DNAI1: variants seen among roughly 807,000 people sequenced by gnomAD.
The protein encoded by DNAI1 is dynein axonemal intermediate chain 1.
DNAI1 carries 67 observed loss-of-function variants against 92.0 expected under a neutral mutation model. The observed-to-expected ratio is 0.73, with a 90% CI of 0.60 to 0.89. DNAI1 has a LOEUF of 0.89. Among genes scored for constraint, DNAI1 ranks in the 40% least tolerant of loss-of-function variants. The pLI is 0.00. For synonymous variants in DNAI1, 323 were observed against 319.6 expected, an observed-to-expected ratio of 1.01 and a Z score of -0.11; for missense variants, 839 against 866.6, an observed-to-expected ratio of 0.97 and a Z score of 0.40.
intron 1 of DNAI1, among the ~76,000 whole-genome samples, chr9:34,464,501 A>G (rs1464646452): frequency 6.6e-6 from 1 of 151,990 alleles, no homozygotes. Flanking sequence ...CCCCAAATCA[A>G]TCCCCACAAC....
At chr9:34,492,683 C>G (rs550350293) in intron 8 of DNAI1, among the ~76,000 whole-genome samples, 1 of 151,222 alleles carries the variant, frequency 6.6e-6, no homozygotes, top group East Asian at 2.0e-4. Context: ...CCACACCTGG[C>G]GTATTTTTGT....
At position 34,483,454 on chromosome 9, in the gene DNAI1, A is replaced by G. The variant is rs1824413271; in HGVS notation, c.55A>G (p.Ser19Gly). ...TTTTCTGTTCTTCATTTAGAGCATC[A>G]GCATAGGCAGAGGAACCAGGAAGAG... ...PHKQPHKQSI[S>G]IGRGTRKRDE... is the part of the protein sequence containing the mutation. The change falls in exon 2 of 20, where the codon AGC becomes GGC. Residue 19 changes from serine to glycine, a missense_variant. Coordinates refer to ENST00000242317, the MANE Select transcript of DNAI1 (RefSeq NM_012144.4). The G allele has an allele frequency of 1.2e-6, 2 of 1,612,142 alleles. No homozygotes were observed. The highest frequency in any genetic ancestry group is 2.2e-5 in the South Asian group (2 of 91,050).
rs1337443282 is a variant in DNAI1, at chr9:34,506,856, C to T, written c.1293C>T (p.His431=). ...SFCSSAKSGK[H]SDPVWQVKWQ... ...GCAGCTCAGCCAAGTCTGGCAAGCACTCAGACCCTGTGTGGCAGGTCAGCA... is the reference window on the plus strand; with the variant it reads ...GCAGCTCAGCCAAGTCTGGCAAGCATTCAGACCCTGTGTGGCAGGTCAGCA... The change falls in exon 13 of 20, where the codon CAC becomes CAT. Residue 431 remains histidine, a synonymous_variant. Coordinates refer to ENST00000242317, the MANE Select transcript of DNAI1 (RefSeq NM_012144.4). The T allele has an allele frequency of 6.2e-7, 1 of 1,613,976 alleles. No homozygotes were observed. The highest frequency in any genetic ancestry group is 8.5e-7 in the Non-Finnish European group (1 of 1,180,024).
intron 19 of DNAI1, 97 bp from the exon 20 acceptor site, chr9:34,520,561 G>A (rs1825258869): frequency 1.8e-6 from 2 of 1,092,958 alleles, no homozygotes; most frequent in Non-Finnish European, 2.7e-6. Flanking sequence ...GGGAGGGGTA[G>A]GGCACAGCTG....
chr9:34,477,378 G>C (rs1348642989), intron 1 of DNAI1, among the ~76,000 whole-genome samples: 1 of 152,102 alleles, frequency 6.6e-6, no homozygotes, highest in African/African-American at 2.4e-5. Flanking sequence ...CTATACCTCA[G>C]TTTTCTCATT....
At chr9:34,501,044 G>A in intron 11 of DNAI1, 94 bp from the exon 12 acceptor site, 1 of 1,115,798 alleles carries the variant, frequency 9.0e-7, no homozygotes, top group East Asian at 2.3e-5. Context: ...GATGTCTGTA[G>A]TATATTTAGG....
intron 4 of DNAI1, among the ~76,000 whole-genome samples, chr9:34,486,340 T>G (rs1171700206): frequency 6.6e-6 from 1 of 152,158 alleles, no homozygotes; most frequent in Non-Finnish European, 1.5e-5. Flanking sequence ...TTATGAAAAC[T>G]TAGATTAAAT....
At chr9:34,507,013 G>C in intron 13 of DNAI1, 139 bp downstream of exon 13, 1 of 1,352,432 alleles carries the variant, frequency 7.4e-7, no homozygotes, top group Middle Eastern at 2.5e-4. Context: ...CAGGATCTGG[G>C]TGTCAGAAAA....
intron 1 of DNAI1, among the ~76,000 whole-genome samples, chr9:34,462,845 C>T (rs1026249678): frequency 2.6e-5 from 4 of 152,150 alleles, no homozygotes; most frequent in Non-Finnish European, 5.9e-5. Context: ...AATTATTTAT[C>T]GTACCCACTC....
At chr9:34,473,786 G>A (rs575416627) in intron 1 of DNAI1, among the ~76,000 whole-genome samples, 10 of 151,770 alleles carry the variant, frequency 6.6e-5, no homozygotes, top group African/African-American at 9.7e-5. Context: ...AGTGCAGTGC[G>A]TGATCACAGC....
At chr9:34,467,071 T>G (rs1364027348) in intron 1 of DNAI1, among the ~76,000 whole-genome samples, 2 of 152,322 alleles carry the variant, frequency 1.3e-5, no homozygotes, top group Non-Finnish European at 2.9e-5. Context: ...TTCTCTTTGC[T>G]CAGCTCCTCC....
chr9:34,514,313 G>T, intron 16 of DNAI1, 81 bp from the exon 17 acceptor site: 14 of 1,567,598 alleles, frequency 8.9e-6, no homozygotes, highest in South Asian at 2.2e-5. Context: ...GGAGTCTAAG[G>T]CTCTGATCCT....
chr9:34,482,237 C>T (rs1309154746), intron 1 of DNAI1, among the ~76,000 whole-genome samples: 1 of 143,772 alleles, frequency 7.0e-6, no homozygotes, highest in East Asian at 2.0e-4. Flanking sequence ...GGTGTATTTA[C>T]AATCCTTGAG....
chr9:34,518,046 A>G (rs1825203787), intron 19 of DNAI1, among the ~76,000 whole-genome samples: 1 of 152,232 alleles, frequency 6.6e-6, no homozygotes, highest in South Asian at 2.1e-4. Context: ...TCTGGAGCCC[A>G]GAGCGATGAC....
At position 34,517,427 on chromosome 9, in the gene DNAI1, T is replaced by C; in HGVS notation, c.1961T>C (p.Ile654Thr). 6.2e-7 allele frequency: 1 copy of C among 1,614,212 alleles called. No homozygotes were observed. The highest frequency in any genetic ancestry group is 1.3e-5 in the African/African-American group (1 of 75,048). The change falls in exon 19 of 20, where the codon ATC becomes ACC. Residue 654 changes from isoleucine (I) to threonine (T), a missense_variant. By Grantham distance (89) the Ile-to-Thr change is moderately conservative (BLOSUM62 -1). Coordinates refer to ENST00000242317, the MANE Select transcript of DNAI1 (RefSeq NM_012144.4). Reference sequence around the variant, plus strand: ...GTGGGCGATGACCGTGGGCACATCATCAGCCTCAAGCTCTCACCCAATTTG... The same window carrying C: ...GTGGGCGATGACCGTGGGCACATCACCAGCCTCAAGCTCTCACCCAATTTG... ...IIVGDDRGHI[I>T]SLKLSPNLRK...
At chr9:34,506,199 T>C (rs1824926182) in intron 12 of DNAI1, among the ~76,000 whole-genome samples, 1 of 152,166 alleles carries the variant, frequency 6.6e-6, no homozygotes, top group Non-Finnish European at 1.5e-5. Context: ...AGTTCAAGCT[T>C]AGCCCATATT....
rs1824814829 is a variant in DNAI1 at position 34,500,773 on chromosome 9, C to T, written c.953C>T (p.Thr318Ile). Residue 318 changes from threonine (T) to isoleucine (I), a missense_variant, in exon 11 of 20, where the codon ACC becomes ATC. Thr to Ile is a moderately conservative substitution (Grantham distance 89). Transcript: ENST00000242317. ...GATGAATACCGGGACCAGGTGGGTA[C>T]CCTGCTGCCGCTCTGGAAGTTCCAA... ...AADEYRDQVGTLLPLWKFQND... is the reference protein window; with the variant it reads ...AADEYRDQVGILLPLWKFQND... 1 of 1,613,952 alleles carries T rather than the reference C, an allele frequency of 6.2e-7. No individual in the cohort carries two copies. The highest frequency in any genetic ancestry group is 1.7e-5 in the Admixed American group (1 of 59,988).
At chr9:34,459,190 T>TGGGAGCACTTACCAGAG in intron 1 of DNAI1, 137 bp downstream of exon 1, 1 of 820,530 alleles carries the variant, frequency 1.2e-6, no homozygotes, top group Non-Finnish European at 2.0e-6. Flanking sequence ...CTCTGGTAAG[T>TGGGAGCACTTACCAGAG]GCTCCCACTG....
intron 13 of DNAI1, 36 bp from the exon 14 acceptor site, chr9:34,512,073 G>T (rs1825074996): frequency 6.2e-7 from 1 of 1,604,946 alleles, no homozygotes; most frequent in Non-Finnish European, 8.5e-7. Context: ...CAACACTTTA[G>T]CAGGGTCCCA....
Sources: gnomAD v4.1 joint callset for allele counts (sites outside exome capture counted in the v4.1 genomes callset) on GRCh38, gnomAD v4.1.1 for gene constraint, MANE v1.5 for transcripts, NCBI Gene and HGNC (gene_info 2026-07-23, HGNC 2026-07-21) for gene names.